Variants in TENM1 observed in about 807,000 individuals in gnomAD.
TENM1 encodes the protein teneurin-1.
A neutral mutation model predicts 174.8 loss-of-function variants in TENM1; 35 were observed. That is an observed-to-expected ratio of 0.20 (90% CI 0.15 to 0.27). TENM1 has a LOEUF of 0.27. Ranked by LOEUF, TENM1 falls within the 10% of genes least tolerant of loss-of-function variation. TENM1 has a pLI of 1.00. For synonymous variants in TENM1, 781 were observed against 798.7 expected (o/e 0.98, Z 0.37); for missense variants, 1,633 against 2,130.1 (o/e 0.77, Z 4.59).
chrX:125,139,362 A>T, the TENM1 span, among the ~76,000 whole-genome samples: 3 of 111,060 alleles, frequency 2.7e-5, no homozygotes, highest in Non-Finnish European at 5.7e-5. Flanking sequence ...TAAGATATGA[A>T]GACTCTAAAG....
intron 3 of TENM1, among the ~76,000 whole-genome samples, chrX:124,763,942 G>T (rs764231920): frequency 8.9e-6 from 1 of 112,304 alleles, no homozygotes; most frequent in Non-Finnish European, 1.9e-5. Flanking sequence ...GGGAAAAACT[G>T]TTGCTGGTAC....
chrX:124,732,447 C>G (rs1306831115), intron 4 of TENM1, among the ~76,000 whole-genome samples: 1 of 112,014 alleles, frequency 8.9e-6, no homozygotes, highest in African/African-American at 3.3e-5. Context: ...TGCTCACGGT[C>G]CTTCCTCAAG....
chrX:124,797,625 ATT>A (rs2055335275), intron 3 of TENM1, among the ~76,000 whole-genome samples: 1 of 110,637 alleles, frequency 9.0e-6, no homozygotes, highest in African/African-American at 3.3e-5. Flanking sequence ...GGATGGGCTT[ATT>A]AGTTGTTCTT....
chrX:125,006,185 G>A, the TENM1 span, among the ~76,000 whole-genome samples: 1 of 112,003 alleles, frequency 8.9e-6, no homozygotes, highest in Non-Finnish European at 1.9e-5. Flanking sequence ...GGTAGGGAGA[G>A]GGGTGACCAC....
chrX:124,990,666 T>C, the TENM1 span, among the ~76,000 whole-genome samples: 1 of 112,224 alleles, frequency 8.9e-6, no homozygotes, highest in African/African-American at 3.2e-5. Context: ...TCTCCAGAAT[T>C]GCTCCATTAA....
the TENM1 span, among the ~76,000 whole-genome samples, chrX:125,060,659 T>C: frequency 9.0e-6 from 1 of 111,035 alleles, no homozygotes; most frequent in Non-Finnish European, 1.9e-5. Flanking sequence ...GTTCACATTC[T>C]AGCTGGTGAA....
intron 3 of TENM1, among the ~76,000 whole-genome samples, chrX:124,858,456 G>A (rs1337238052): frequency 9.0e-6 from 1 of 111,586 alleles, no homozygotes; most frequent in African/African-American, 3.3e-5. Flanking sequence ...GAATTGGATT[G>A]ACCATGCCAT....
At chrX:124,946,690 G>A (rs764287322) in intron 1 of TENM1, among the ~76,000 whole-genome samples, 25 of 111,422 alleles carry the variant, frequency 2.2e-4, no homozygotes, top group African/African-American at 7.2e-4. Flanking sequence ...TGGAGACCTC[G>A]GTGATCTTGA....
intron 27 of TENM1, among the ~76,000 whole-genome samples, chrX:124,402,558 A>G (rs2060412063): frequency 8.9e-6 from 1 of 112,509 alleles, no homozygotes; most frequent in African/African-American, 3.2e-5. Flanking sequence ...TATGGGGTGT[A>G]AATTACAGTT....
the TENM1 span, among the ~76,000 whole-genome samples, chrX:125,059,625 C>T: frequency 7.2e-5 from 8 of 111,402 alleles, no homozygotes; most frequent in African/African-American, 2.6e-4. Flanking sequence ...CCTAACTCTG[C>T]TAACCACTGT....
chrX:124,955,797 G>GCACACACACACACACA (rs376755403), intron 1 of TENM1, among the ~76,000 whole-genome samples: 3,841 of 91,165 alleles, frequency 0.042, 104 homozygotes, highest in Non-Finnish European at 0.06. Flanking sequence ...ACACGCGCAC[G>GCACACACACACACACA]CACACACACA....
chrX:125,137,556 A>G, the TENM1 span, among the ~76,000 whole-genome samples: 2 of 110,914 alleles, frequency 1.8e-5, no homozygotes, highest in Non-Finnish European at 3.8e-5. Flanking sequence ...GCATGAGCCA[A>G]AAGAACACCT....
At chrX:124,602,099 T>C (rs2050041845) in intron 11 of TENM1, among the ~76,000 whole-genome samples, 1 of 111,091 alleles carries the variant, frequency 9.0e-6, no homozygotes, top group Non-Finnish European at 1.9e-5. Context: ...AACTTTGAAG[T>C]GCGGTACATA....
chrX:124,745,386 C>T (rs979278952), intron 3 of TENM1, among the ~76,000 whole-genome samples: 1 of 111,821 alleles, frequency 8.9e-6, no homozygotes, highest in African/African-American at 3.2e-5. Flanking sequence ...TCAAATTTCA[C>T]TCATGTTTTG....
intron 23 of TENM1, among the ~76,000 whole-genome samples, chrX:124,450,284 C>T (rs1250627946): frequency 7.5e-5 from 8 of 107,374 alleles, no homozygotes; most frequent in Non-Finnish European, 9.6e-5. Context: ...GGCGTGAACC[C>T]GGGAGGCGGA....
chrX:124,422,709 AG>A, intron 23 of TENM1, 71 bp from the exon 27 acceptor site: 1 of 1,067,003 alleles, frequency 9.4e-7, no homozygotes, highest in Non-Finnish European at 1.3e-6. Context: ...CTTGAAAAAA[AG>A]AAAAAAAAAT....
At chrX:124,986,776 G>C in the TENM1 span, among the ~76,000 whole-genome samples, 1 of 110,835 alleles carries the variant, frequency 9.0e-6, no homozygotes, top group African/African-American at 3.3e-5. Context: ...TGAGTAGCTG[G>C]GATTACAGGT....
chrX:124,612,653 T>A (rs978979600), intron 11 of TENM1, among the ~76,000 whole-genome samples: 2 of 111,297 alleles, frequency 1.8e-5, no homozygotes, highest in Non-Finnish European at 1.9e-5. Flanking sequence ...CTACACAGAA[T>A]AAAGATATTT....
At chrX:125,013,377 A>G in the TENM1 span, among the ~76,000 whole-genome samples, 14 of 111,891 alleles carry the variant, frequency 1.3e-4, no homozygotes, top group Admixed American at 1.3e-3. Flanking sequence ...TATGCATTTT[A>G]AAGTGAATCT....
Sources: gnomAD v4.1 joint callset for allele counts (sites outside exome capture counted in the v4.1 genomes callset) on GRCh38, gnomAD v4.1.1 for gene constraint, MANE v1.5 for transcripts, NCBI Gene and HGNC (gene_info 2026-07-23, HGNC 2026-07-21) for gene names.